The following SCG5 variants were observed in gnomAD, a reference collection of about 807,000 sequenced individuals.
SCG5 encodes the protein neuroendocrine protein 7B2.
SCG5 carries 18 observed loss-of-function variants against 25.7 expected under a neutral mutation model. That is an observed-to-expected ratio of 0.70 (90% CI 0.48 to 1.04). SCG5 has a LOEUF of 1.04. SCG5 is among the 50% of genes least tolerant of loss of function. The probability of loss-of-function intolerance (pLI) is 0.00; values close to 1 mark genes in which losing one functional copy is unlikely to be tolerated. For missense variants in SCG5, 206 were observed against 259.8 expected (o/e 0.79, Z 1.42); for synonymous variants, 101 against 91.7 (o/e 1.10, Z -0.58).
chr15:32,653,616 C>T (rs534256662), intron 2 of SCG5, among the ~76,000 whole-genome samples: 1 of 152,164 alleles, frequency 6.6e-6, no homozygotes, highest in Non-Finnish European at 1.5e-5. Flanking sequence ...ATTTGTAAGA[C>T]AGACTGGAGA....
intron 2 of SCG5, among the ~76,000 whole-genome samples, chr15:32,649,503 T>C (rs116648629): frequency 0.013 from 2,004 of 152,274 alleles, 34 homozygotes; most frequent in African/African-American, 0.045. Context: ...TAGAAGGACT[T>C]TTTGCAGTCC....
chr15:32,643,687 C>T lies in SCG5; in HGVS notation c.95C>T (p.Pro32Leu). Residue 32 changes from proline (P) to leucine (L), a missense_variant, in exon 2 of 6, where the codon CCT becomes CTT. Transcript: ENST00000300175. ...TPAFAYSPRTPDRVSEADIQR... is the reference protein window; with the variant it reads ...TPAFAYSPRTLDRVSEADIQR... ...GCATTTGCTTACAGCCCCCGGACCC[C>T]TGACCGGGTCTCAGAAGCAGATATC... 6.2e-7 allele frequency: 1 copy of T among 1,613,956 alleles called. No individual in the cohort carries two copies.
chr15:32,657,517 A>G (rs1483672059), intron 2 of SCG5, among the ~76,000 whole-genome samples: 1 of 151,990 alleles, frequency 6.6e-6, no homozygotes, highest in Non-Finnish European at 1.5e-5. Context: ...GTATTCTGCC[A>G]TGAAATAGGT....
At chr15:32,672,301 C>G (rs2054441510) in intron 2 of SCG5, among the ~76,000 whole-genome samples, 2 of 152,386 alleles carry the variant, frequency 1.3e-5, no homozygotes, top group Non-Finnish European at 2.9e-5. Flanking sequence ...TTGCCCAGCG[C>G]CAGTGCCCAA....
At chr15:32,649,327 A>G (rs1005880591) in intron 2 of SCG5, among the ~76,000 whole-genome samples, 2 of 152,208 alleles carry the variant, frequency 1.3e-5, no homozygotes, top group African/African-American at 4.8e-5. Flanking sequence ...TAGTTCAAGG[A>G]AAATATTCCA....
chr15:32,663,070 TATATATATAA>T (rs1202177241), intron 2 of SCG5, among the ~76,000 whole-genome samples: 25 of 57,224 alleles, frequency 4.4e-4, no homozygotes, highest in African/African-American at 1.0e-3. Flanking sequence ...TATATATATA[TATATATATAA>T]TATATAATAT....
chr15:32,647,938 C>T (rs1316151759), intron 2 of SCG5, among the ~76,000 whole-genome samples: 1 of 152,144 alleles, frequency 6.6e-6, no homozygotes, highest in Non-Finnish European at 1.5e-5. Flanking sequence ...AATTCTCTAT[C>T]TACTTGATCT....
intron 3 of SCG5, among the ~76,000 whole-genome samples, chr15:32,683,793 T>A (rs2054656582): frequency 6.6e-6 from 1 of 152,240 alleles, no homozygotes; most frequent in African/African-American, 2.4e-5. Context: ...TAAGCTGTTA[T>A]CACAATAAAA....
chr15:32,694,769 T>C (rs997497416), intron 5 of SCG5, among the ~76,000 whole-genome samples: 4 of 152,280 alleles, frequency 2.6e-5, no homozygotes, highest in African/African-American at 9.6e-5. Flanking sequence ...TGCATCTTTG[T>C]AGAGTGAGTC....
chr15:32,691,073 A>C (rs2054846732), intron 4 of SCG5, among the ~76,000 whole-genome samples: 1 of 152,186 alleles, frequency 6.6e-6, no homozygotes, highest in Non-Finnish European at 1.5e-5. Flanking sequence ...GAAATACAGC[A>C]ATGTGTGGAA....
chr15:32,656,848 A>G (rs2054125928), intron 2 of SCG5, among the ~76,000 whole-genome samples: 6 of 152,064 alleles, frequency 3.9e-5, no homozygotes, highest in Admixed American at 3.9e-4. Context: ...ATAACTGAGC[A>G]TGCACTTTTG....
At chr15:32,673,822 T>C (rs1303325648) in intron 2 of SCG5, among the ~76,000 whole-genome samples, 2 of 151,988 alleles carry the variant, frequency 1.3e-5, no homozygotes, top group Non-Finnish European at 2.9e-5. Flanking sequence ...CAACCTCTAC[T>C]CCCCAAGTTC....
chr15:32,653,853 A>G (rs1395923729), intron 2 of SCG5, among the ~76,000 whole-genome samples: 3 of 152,246 alleles, frequency 2.0e-5, no homozygotes, highest in Non-Finnish European at 4.4e-5. Context: ...ACAACTGGGT[A>G]CTATAACTTA....
At chr15:32,654,005 G>T (rs2054074104) in intron 2 of SCG5, among the ~76,000 whole-genome samples, 1 of 152,152 alleles carries the variant, frequency 6.6e-6, no homozygotes, top group Non-Finnish European at 1.5e-5. Context: ...CAGAGTCTGG[G>T]TCTCAAATTG....
At chr15:32,663,915 C>T (rs891005951) in intron 2 of SCG5, among the ~76,000 whole-genome samples, 1 of 152,172 alleles carries the variant, frequency 6.6e-6, no homozygotes, top group African/African-American at 2.4e-5. Context: ...ATCTTTGACT[C>T]GGCATGACAA....
At chr15:32,691,962 A>C in intron 5 of SCG5, 199 bp downstream of exon 5, 1 of 1,432,952 alleles carries the variant, frequency 7.0e-7, no homozygotes, top group Non-Finnish European at 9.1e-7. Context: ...AGGCTTTAGC[A>C]GATGATTTTT....
At chr15:32,692,075 G>A (rs1214792926) in intron 5 of SCG5, 1 of 1,204,486 alleles carries the variant, frequency 8.3e-7, no homozygotes, top group African/African-American at 1.6e-5. Context: ...GGACATGAGG[G>A]TCTGTCTGCC....
intron 2 of SCG5, 34 bp from the exon 3 acceptor site, chr15:32,679,732 G>T (rs767442687): frequency 1.2e-6 from 2 of 1,610,402 alleles, no homozygotes. Context: ...TAATTGAATT[G>T]CACTGCAATG....
At chr15:32,664,043 C>G (rs1214285316) in intron 2 of SCG5, among the ~76,000 whole-genome samples, 1 of 152,144 alleles carries the variant, frequency 6.6e-6, no homozygotes, top group Non-Finnish European at 1.5e-5. Flanking sequence ...TGAAGCTCAC[C>G]AGAGTGTTCC....
Sources: gnomAD v4.1 joint callset for allele counts (sites outside exome capture counted in the v4.1 genomes callset) on GRCh38, gnomAD v4.1.1 for gene constraint, MANE v1.5 for transcripts, NCBI Gene and HGNC (gene_info 2026-07-23, HGNC 2026-07-21) for gene names.